Variants in RNF13 observed in about 807,000 individuals in gnomAD.
The protein encoded by RNF13 is ring finger protein 13, also known as E3 ubiquitin-protein ligase RNF13.
In RNF13, 19 loss-of-function variants were observed where a neutral mutation model predicts 37.7. That is an observed-to-expected ratio of 0.50 (90% CI 0.35 to 0.74). RNF13 has a LOEUF of 0.74. RNF13 is among the 30% of genes least tolerant of loss of function. RNF13 has a pLI of 0.01. For synonymous variants in RNF13, 144 were observed against 157.8 expected, an observed-to-expected ratio of 0.91 and a Z score of 0.65; for missense variants, 375 against 453.0, an observed-to-expected ratio of 0.83 and a Z score of 1.56.
intron 4 of RNF13, among the ~76,000 whole-genome samples, chr3:149,876,771 CTTTTTTTTTTT>C (rs768071913): frequency 2.4e-5 from 2 of 82,494 alleles, no homozygotes; most frequent in Admixed American, 1.5e-4. Context: ...GTCATCATAT[CTTTTTTTTTTT>C]TTTTTTTTTT....
chr3:149,895,524 G>A lies in RNF13; in HGVS notation c.373G>A (p.Asp125Asn), dbSNP rs747349456. 2 of 1,604,284 alleles carry A rather than the reference G, an allele frequency of 1.2e-6. No homozygotes were observed. The highest frequency in any genetic ancestry group is 3.4e-5 in the Admixed American group (2 of 59,230). ...GYKAAIVHNVDSDDLISMGSN... is the reference protein window; with the variant it reads ...GYKAAIVHNVNSDDLISMGSN... ...CAAGGCAGCCATAGTTCACAATGTT[G>A]ATTCTGATGACCTCATTAGCATGGG... The change falls in exon 5 of 10, where the codon GAT becomes AAT. Residue 125 changes from aspartate to asparagine, a missense_variant. Asp to Asn is a conservative substitution (Grantham distance 23). Transcript: ENST00000392894.
intron 8 of RNF13, among the ~76,000 whole-genome samples, chr3:149,935,019 G>T (rs1719534378): frequency 6.6e-6 from 1 of 152,168 alleles, no homozygotes; most frequent in Admixed American, 6.5e-5. Flanking sequence ...GCTGAGACTT[G>T]TTTTTTCTCC....
chr3:149,844,735 C>A (rs182484483), intron 1 of RNF13, among the ~76,000 whole-genome samples: 9 of 151,962 alleles, frequency 5.9e-5, no homozygotes, highest in Admixed American at 2.0e-4. Flanking sequence ...ACTTAAGAAA[C>A]GAATGTCAAC....
intron 6 of RNF13, among the ~76,000 whole-genome samples, chr3:149,909,730 G>A (rs1716796020): frequency 6.6e-6 from 1 of 152,056 alleles, no homozygotes; most frequent in African/African-American, 2.4e-5. Context: ...TTAGCATAAT[G>A]CTTCCTGGGA....
intron 1 of RNF13, among the ~76,000 whole-genome samples, chr3:149,829,334 G>C (rs754830356): frequency 2.0e-5 from 3 of 151,908 alleles, no homozygotes; most frequent in Non-Finnish European, 4.4e-5. Context: ...TCCTGACCTC[G>C]GGCGATCCTC....
chr3:149,930,348 G>A (rs1479411930), intron 8 of RNF13, among the ~76,000 whole-genome samples: 1 of 152,002 alleles, frequency 6.6e-6, no homozygotes, highest in East Asian at 1.9e-4. Context: ...CTAGTTTGTT[G>A]GTATCCAAAA....
intron 1 of RNF13, among the ~76,000 whole-genome samples, chr3:149,840,026 A>C (rs1722011940): frequency 6.6e-6 from 1 of 152,042 alleles, no homozygotes; most frequent in Non-Finnish European, 1.5e-5. Flanking sequence ...ATTTTTTTTC[A>C]TTCCAGAAAA....
intron 3 of RNF13, among the ~76,000 whole-genome samples, chr3:149,854,740 C>T (rs1226517372): frequency 1.3e-5 from 2 of 152,210 alleles, no homozygotes; most frequent in Non-Finnish European, 2.9e-5. Flanking sequence ...CATTTGGCCT[C>T]TTCTGCCATC....
intron 6 of RNF13, among the ~76,000 whole-genome samples, chr3:149,905,888 ATAT>A (rs1559941688): frequency 1.3e-5 from 2 of 152,158 alleles, no homozygotes; most frequent in Non-Finnish European, 2.9e-5. Context: ...TGATTTGAGT[ATAT>A]TTATAGAATT....
chr3:149,949,895 C>T (rs189123114), intron 8 of RNF13, among the ~76,000 whole-genome samples: 3 of 151,960 alleles, frequency 2.0e-5, no homozygotes, highest in African/African-American at 7.2e-5. Context: ...CTATTCTTTT[C>T]TCTTTTAATT....
In RNF13 at chr3:149,961,083, C is replaced by T. The variant is rs1722366918; in HGVS notation, c.1125C>T (p.Tyr375=). Reference sequence around the variant, plus strand: ...TGCAGCCTAATGGTGAACGGGATTACAACATAGCAAATACTGTTTGACTTT... The same window carrying T: ...TGCAGCCTAATGGTGAACGGGATTATAACATAGCAAATACTGTTTGACTTT... The part of the protein sequence containing the change: ...VQLQPNGERD[Y]NIANTV The change falls in exon 10 of 10, where the codon TAC becomes TAT. Residue 375 remains tyrosine (Y), a synonymous_variant. Coordinates refer to ENST00000392894, the MANE Select transcript of RNF13 (RefSeq NM_183381.3). 1.2e-6 allele frequency: 2 copies of T among 1,609,662 alleles called. No individual in the cohort carries two copies. The highest frequency in any genetic ancestry group is 1.7e-6 in the Non-Finnish European group (2 of 1,177,336).
At position 149,909,851 on chromosome 3, in the gene RNF13, G is replaced by T. The variant is rs535010418; in HGVS notation, c.501-2127G>T. ...TTGCTCCTTCTCACCTAGAAGCTCT[G>T]TTTATTTCTGAGCAACCCTGGGGCT... On this transcript the variant is annotated intron_variant, in intron 6 of 9. Coordinates refer to ENST00000392894, the MANE Select transcript of RNF13 (RefSeq NM_183381.3). Among the ~76,000 whole-genome samples the T allele has an allele frequency of 2.0e-5, 3 of 151,402 alleles. No homozygotes were observed. The South Asian group carries it at 6.2e-4, about 31-fold the overall frequency.
chr3:149,858,636 G>T (rs961719136), intron 3 of RNF13, among the ~76,000 whole-genome samples: 4 of 152,140 alleles, frequency 2.6e-5, no homozygotes, highest in Middle Eastern at 3.2e-3. Context: ...GGTAGTCAGG[G>T]TATATTCTTT....
At chr3:149,931,221 G>A (rs1719131557) in intron 8 of RNF13, among the ~76,000 whole-genome samples, 1 of 151,854 alleles carries the variant, frequency 6.6e-6, no homozygotes, top group African/African-American at 2.4e-5. Context: ...GCACCACTGT[G>A]GCCGGCTAAT....
chr3:149,954,430 CA>C (rs1314560920), intron 8 of RNF13, among the ~76,000 whole-genome samples: 2 of 151,222 alleles, frequency 1.3e-5, no homozygotes, highest in African/African-American at 4.9e-5. Flanking sequence ...CACCCACCTG[CA>C]AAAAAACAAA....
Position 149,895,529 on chromosome 3 carries a change from T to C in RNF13, c.378T>C (p.Ser126=), listed in dbSNP as rs199955067. The C allele has an allele frequency of 3.8e-4, 617 of 1,610,312 alleles. No homozygotes were observed. The highest frequency in any genetic ancestry group is 5.2e-4 in the Non-Finnish European group (607 of 1,177,536). ...YKAAIVHNVD[S]DDLISMGSND... is the part of the protein sequence containing the mutation. ...CAGCCATAGTTCACAATGTTGATTC[T>C]GATGACCTCATTAGCATGGGATCCA... Residue 126 remains serine, a synonymous_variant, in exon 5 of 10, where the codon TCT becomes TCC. Coordinates refer to ENST00000392894, the MANE Select transcript of RNF13 (RefSeq NM_183381.3).
chr3:149,894,946 T>C (rs144555895), intron 4 of RNF13, among the ~76,000 whole-genome samples: 76 of 152,248 alleles, frequency 5.0e-4, no homozygotes, highest in African/African-American at 1.8e-3. Flanking sequence ...GGTTACTATT[T>C]TGGAGGCTAG....
chr3:149,910,499 A>G (rs1716885863), intron 6 of RNF13, among the ~76,000 whole-genome samples: 1 of 152,176 alleles, frequency 6.6e-6, no homozygotes, highest in Non-Finnish European at 1.5e-5. Context: ...GTGTGTGTGT[A>G]TAAGAAATAA....
Position 149,960,978 on chromosome 3 carries a change from C to T in RNF13, c.1020C>T (p.Asp340=). 1 of 1,614,144 alleles carries T rather than the reference C, an allele frequency of 6.2e-7. No homozygotes were observed. Among genetic ancestry groups the T allele is most frequent in the Admixed American group, 1.7e-5 (1 of 60,026 alleles). Reference sequence around the variant, plus strand: ...ATCAGAACATGACAGAATCTTCAGACTATGAGGAAGACGACAATGAAGATA... The same window carrying T: ...ATCAGAACATGACAGAATCTTCAGATTATGAGGAAGACGACAATGAAGATA... ...RSHQNMTESS[D]YEEDDNEDTD... The change falls in exon 10 of 10, where the codon GAC becomes GAT. Residue 340 remains aspartate (D), a synonymous_variant. Transcript: ENST00000392894.
Sources: gnomAD v4.1 joint callset for allele counts (sites outside exome capture counted in the v4.1 genomes callset) on GRCh38, gnomAD v4.1.1 for gene constraint, MANE v1.5 for transcripts, NCBI Gene and HGNC (gene_info 2026-07-23, HGNC 2026-07-21) for gene names.